Variants in LHB observed in about 807,000 individuals in gnomAD.
The protein encoded by LHB is lutropin subunit beta.
In LHB, 11 loss-of-function variants were observed where a neutral mutation model predicts 10.6. The observed-to-expected ratio is 1.04, with a 90% CI of 0.66 to 1.72. The LOEUF (loss-of-function observed/expected upper bound fraction) is 1.72. LHB is among the 40% of genes most tolerant of loss of function. LHB has a pLI of 0.00. For synonymous variants in LHB, 86 were observed against 83.1 expected, an observed-to-expected ratio of 1.03 and a Z score of -0.19; for missense variants, 184 against 197.3, an observed-to-expected ratio of 0.93 and a Z score of 0.41.
upstream of LHB, chr19:49,017,806 G>C (rs147328096): frequency 5.9e-3 from 2,351 of 400,656 alleles, 55 homozygotes; most frequent in African/African-American, 0.045. Context: ...TGATGCCGCA[G>C]CTGAGTGGGT....
upstream of LHB, chr19:49,018,227 C>A (rs2122682628): frequency 1.5e-6 from 1 of 678,262 alleles, no homozygotes; most frequent in Non-Finnish European, 2.1e-6. Flanking sequence ...TCGGGGCGGC[C>A]GGGAGGAGCG....
At chr19:49,017,833 C>T, upstream of LHB, 2 of 398,764 alleles carry the variant, frequency 5.0e-6, no homozygotes, top group Non-Finnish European at 8.8e-6. Context: ...GCTAGTCCCG[C>T]CCCCACGTTG....
At position 49,016,303 on chromosome 19, in the gene LHB, A is replaced by C; in HGVS notation, c.191T>G (p.Val64Gly). 7 of 1,610,994 alleles carry C rather than the reference A, an allele frequency of 4.3e-6. No individual in the cohort carries two copies. Among genetic ancestry groups the C allele is most frequent in the Non-Finnish European group, 5.9e-6 (7 of 1,179,764 alleles). ...CAGGGGCGGCAGGACCGCCTGCAGC[A>C]CGCGCATCTGGAGGCCGTGTGAGTG... ...CAGYCPTMMR[V>G]LQAVLPPLPQ... Residue 64 changes from valine to glycine, a missense_variant, in exon 3 of 3, where the codon GTG (valine) becomes GGG (glycine). Physicochemically the swap from Val to Gly is moderately radical, Grantham distance 109. Coordinates refer to ENST00000649238, the MANE Select transcript of LHB (RefSeq NM_000894.3).
upstream of LHB, chr19:49,018,256 C>T (rs1458955533): frequency 1.0e-5 from 10 of 952,636 alleles, no homozygotes; most frequent in African/African-American, 3.4e-5. Flanking sequence ...GCGGCCGCTG[C>T]GGGCCGTGGC....
chr19:49,018,023 T>C (rs1286152610), upstream of LHB: 16 of 398,516 alleles, frequency 4.0e-5, no homozygotes, highest in South Asian at 1.3e-4. Context: ...ACTGTAGGCT[T>C]TCGGCACGCT....
At position 49,016,052 on chromosome 19, in the gene LHB, G is replaced by T; in HGVS notation, c.*16C>A. On this transcript the variant is annotated 3_prime_UTR_variant, in exon 3 of 3. Transcript: ENST00000649238. ...CCAGGAGTCGGGATGGACTTGGAAGGCTGCGGGGAGGGTCTTTAGAGGAAG... is the reference window on the plus strand; with the variant it reads ...CCAGGAGTCGGGATGGACTTGGAAGTCTGCGGGGAGGGTCTTTAGAGGAAG... 6.2e-7 allele frequency: 1 copy of T among 1,613,816 alleles called. No homozygotes were observed. The highest frequency in any genetic ancestry group is 8.5e-7 in the Non-Finnish European group (1 of 1,180,042).
At chr19:49,017,849 A>C (rs574971202), upstream of LHB, 79 of 398,178 alleles carry the variant, frequency 2.0e-4, 1 homozygote, top group South Asian at 5.5e-3. Context: ...CGTTGCCAAT[A>C]GACGTAATGA....
upstream of LHB, chr19:49,017,981 G>C (rs2039587529): frequency 2.5e-6 from 1 of 398,460 alleles, no homozygotes; most frequent in Non-Finnish European, 4.4e-6. Flanking sequence ...CACCAGCGCC[G>C]GCTTCAAGCT....
At chr19:49,016,932 C>T in intron 1 of LHB, 135 bp downstream of exon 1, 2 of 1,605,532 alleles carry the variant, frequency 1.2e-6, no homozygotes, top group Non-Finnish European at 1.7e-6. Context: ...CAGGAACTGC[C>T]CCACCTGAAG....
At chr19:49,018,244 G>T, upstream of LHB, 2 of 844,828 alleles carry the variant, frequency 2.4e-6, no homozygotes, top group Non-Finnish European at 3.1e-6. Flanking sequence ...AGCGCGGACA[G>T]GGCGGCCGCT....
chr19:49,017,454 C>T (rs1326843088), upstream of LHB: 8 of 1,150,124 alleles, frequency 7.0e-6, no homozygotes, highest in Non-Finnish European at 8.8e-6. Flanking sequence ...GGACTGAAGC[C>T]TCAACCCTCC....
At chr19:49,018,707 T>TA (rs11464128), upstream of LHB, among the ~76,000 whole-genome samples, 2,949 of 146,706 alleles carry the variant, frequency 0.02, 79 homozygotes, top group African/African-American at 0.063. Flanking sequence ...CCTGGGTGCT[T>TA]AAAAAAAAAA....
At chr19:49,017,426 T>C, upstream of LHB, 1 of 1,139,534 alleles carries the variant, frequency 8.8e-7, no homozygotes, top group Non-Finnish European at 1.1e-6. Context: ...GAGGAGGCCA[T>C]GACCCGAGAA....
intron 2 of LHB, 22 bp from the exon 3 acceptor site, chr19:49,016,332 G>T (rs777265487): frequency 1.9e-6 from 3 of 1,608,768 alleles, no homozygotes; most frequent in Admixed American, 1.7e-5. Flanking sequence ...GTGAGTGGGG[G>T]AATGAGCATG....
At chr19:49,018,020 G>A, upstream of LHB, 1 of 398,608 alleles carries the variant, frequency 2.5e-6, no homozygotes, top group Non-Finnish European at 4.4e-6. Context: ...GGTACTGTAG[G>A]CTTTCGGCAC....
chr19:49,017,908 G>A (rs2039585671), upstream of LHB: 2 of 398,186 alleles, frequency 5.0e-6, no homozygotes, highest in African/African-American at 2.1e-5. Context: ...CGGAGGTCCC[G>A]AGCTCCGCTC....
At chr19:49,016,766 T>C in intron 1 of LHB, 52 bp from the exon 2 acceptor site, 1 of 1,605,416 alleles carries the variant, frequency 6.2e-7, no homozygotes. Context: ...CCCCGAGTCC[T>C]GGCCTTCCCA....
intron 1 of LHB, 51 bp from the exon 2 acceptor site, chr19:49,016,765 C>T: frequency 6.2e-7 from 1 of 1,605,532 alleles, no homozygotes; most frequent in East Asian, 2.2e-5. Flanking sequence ...GCCCCGAGTC[C>T]TGGCCTTCCC....
At chr19:49,019,078 G>A, upstream of LHB, 1 of 1,457,168 alleles carries the variant, frequency 6.9e-7, no homozygotes, top group Middle Eastern at 2.5e-4. Context: ...CCCGAGTTCA[G>A]AATCCCTCTC....
Sources: allele counts gnomAD v4.1 joint callset (sites outside exome capture counted in the v4.1 genomes callset), GRCh38; gene constraint gnomAD v4.1.1; transcripts MANE v1.5; gene names NCBI Gene and HGNC (gene_info 2026-07-23, HGNC 2026-07-21).